The following SHANK2 variants were observed in gnomAD, a reference collection of about 807,000 sequenced individuals.
The protein encoded by SHANK2 is SH3 and multiple ankyrin repeat domains protein 2.
In SHANK2, 43 loss-of-function variants were observed where a neutral mutation model predicts 133.7. The observed-to-expected ratio is 0.32, with a 90% CI of 0.25 to 0.41. SHANK2 has a LOEUF of 0.41. Among genes scored for constraint, SHANK2 ranks in the 10% least tolerant of loss-of-function variants. SHANK2 has a pLI of 1.00. For missense variants in SHANK2, 1,994 were observed against 2,235.8 expected (o/e 0.89, Z 2.18); for synonymous variants, 1,017 against 952.8 (o/e 1.07, Z -1.24).
chr11:71,145,432 T>C (rs1411250225), intron 3 of SHANK2, among the ~76,000 whole-genome samples: 2 of 152,244 alleles, frequency 1.3e-5, no homozygotes, highest in East Asian at 1.9e-4. Flanking sequence ...AAGTTTGTCC[T>C]AGACGGTGAA....
chr11:70,826,675 G>A, intron 11 of SHANK2: 1 of 374,902 alleles, frequency 2.7e-6, no homozygotes, highest in South Asian at 1.9e-5. Flanking sequence ...CAGACCCAGC[G>A]TGCTGGTGAC....
At position 70,485,281 on chromosome 11, in the gene SHANK2, A is replaced by G; in HGVS notation, c.4979+33T>C. On this transcript the variant is annotated intron_variant, in intron 25 of 25. Coordinates refer to ENST00000601538, the MANE Select transcript of SHANK2 (RefSeq NM_012309.5). The surrounding 1 kb of genome is among the most constrained non-coding windows in gnomAD (Gnocchi z 5.8). Reference sequence around the variant, plus strand: ...TGGTCAGCAGGGACAGTGCACGCAGAGCGGTGTGCATGTGCACCAACCGCG... The same window carrying G: ...TGGTCAGCAGGGACAGTGCACGCAGGGCGGTGTGCATGTGCACCAACCGCG... 1 of 1,565,562 alleles carries G rather than the reference A, an allele frequency of 6.4e-7. No individual in the cohort carries two copies. The highest frequency in any genetic ancestry group is 1.7e-5 in the Admixed American group (1 of 59,970).
chr11:70,853,178 G>A (rs537507774), intron 11 of SHANK2, among the ~76,000 whole-genome samples: 29 of 152,342 alleles, frequency 1.9e-4, no homozygotes, highest in African/African-American at 6.7e-4. Context: ...GAAGTTGGGG[G>A]AAATGAAACA....
chr11:70,511,264 T>C (rs1358026329), intron 17 of SHANK2, among the ~76,000 whole-genome samples: 2 of 152,216 alleles, frequency 1.3e-5, no homozygotes, highest in Non-Finnish European at 2.9e-5. Context: ...TCAGTTACAT[T>C]TCCCTACCCA....
chr11:71,143,791 A>T (rs782008759), intron 3 of SHANK2, among the ~76,000 whole-genome samples: 28 of 152,304 alleles, frequency 1.8e-4, no homozygotes, highest in Non-Finnish European at 3.5e-4. Flanking sequence ...AAGATTCCGT[A>T]TTGACCTATG....
At chr11:71,113,119 C>T (rs149161093) in intron 5 of SHANK2, among the ~76,000 whole-genome samples, 174 bp downstream of exon 5, 22 of 152,328 alleles carry the variant, frequency 1.4e-4, no homozygotes, top group African/African-American at 5.3e-4. Flanking sequence ...CCGGGTGGGT[C>T]TCCGCAGTGT....
chr11:70,546,795 G>A (rs1272367115), intron 17 of SHANK2, among the ~76,000 whole-genome samples: 3 of 152,344 alleles, frequency 2.0e-5, no homozygotes, highest in African/African-American at 7.2e-5. Flanking sequence ...TGTCTCCAGC[G>A]TGTCAGGCCC....
intron 17 of SHANK2, among the ~76,000 whole-genome samples, chr11:70,583,723 A>G (rs1591610556): frequency 6.6e-6 from 1 of 152,094 alleles, no homozygotes; most frequent in African/African-American, 2.4e-5. Context: ...CTCCTAATGA[A>G]CCATCGAGGC....
intron 14 of SHANK2, among the ~76,000 whole-genome samples, chr11:70,718,700 C>CTCTTTTTTT (rs782533400): frequency 1.5e-5 from 2 of 129,812 alleles, no homozygotes; most frequent in Non-Finnish European, 3.1e-5. Flanking sequence ...AGCTCATTCT[C>CTCTTTTTTT]TTTTTTTTTT....
At chr11:71,078,281 G>A (rs1173693174) in intron 8 of SHANK2, among the ~76,000 whole-genome samples, 1 of 151,932 alleles carries the variant, frequency 6.6e-6, no homozygotes, top group Non-Finnish European at 1.5e-5. Context: ...ATTACCTCCT[G>A]AATAAAGAGA....
Position 71,083,244 on chromosome 11 carries a change from G to C in SHANK2, c.913-7969C>G, listed in dbSNP as rs937716899. On this transcript the variant is annotated intron_variant, in intron 8 of 25. Coordinates refer to ENST00000601538, the MANE Select transcript of SHANK2 (RefSeq NM_012309.5). ...TGTGAGCCCCTGTGCCCAGCCTAAT[G>C]TATTATTTACTTCTAATGATGACGT... Among the ~76,000 whole-genome samples the C allele has an allele frequency of 2.0e-4, 30 of 152,046 alleles. 1 individual carries two copies. The highest frequency in any genetic ancestry group is 2.0e-3 in the Admixed American group (30 of 15,256).
rs143180455 is a variant in SHANK2 at position 71,107,632 on chromosome 11, CT to C, written c.592+2308del. On this transcript the variant is annotated intron_variant, in intron 6 of 25. Coordinates refer to ENST00000601538, the MANE Select transcript of SHANK2 (RefSeq NM_012309.5). ...CACAACGGCTCACAACAACTATGAA[CT>C]TTTTGCTCTGGCACCAGCCTAATCC... is the stretch of plus-strand genomic sequence containing the variant. Among the ~76,000 whole-genome samples, 136 of 152,302 alleles carry C rather than the reference CT, an allele frequency of 8.9e-4. 1 individual carries two copies. The highest frequency in any genetic ancestry group is 3.2e-3 in the African/African-American group (133 of 41,562).
chr11:70,474,935 TGAG>T (rs1323850705), intron 25 of SHANK2: 11 of 152,278 alleles, frequency 7.2e-5, no homozygotes, highest in African/African-American at 2.7e-4. Context: ...CTGGAGAGCA[TGAG>T]GAGTGCACTG....
chr11:70,642,738 A>C (rs2061201182), intron 17 of SHANK2, among the ~76,000 whole-genome samples: 1 of 152,200 alleles, frequency 6.6e-6, no homozygotes. Flanking sequence ...CCTGCTGAAG[A>C]GGTGAAGATG....
intron 17 of SHANK2, among the ~76,000 whole-genome samples, chr11:70,567,136 T>C (rs1446572850): frequency 6.6e-6 from 1 of 152,170 alleles, no homozygotes; most frequent in Non-Finnish European, 1.5e-5. Flanking sequence ...CTATGATTGA[T>C]GGAGAGGTGT....
intron 14 of SHANK2, among the ~76,000 whole-genome samples, chr11:70,733,049 G>A (rs1268510356): frequency 2.6e-5 from 4 of 152,254 alleles, no homozygotes; most frequent in Non-Finnish European, 4.4e-5. Flanking sequence ...CAGGCTGGGC[G>A]GGGTGGGAGA....
At chr11:70,720,176 C>T (rs1565267939) in intron 14 of SHANK2, among the ~76,000 whole-genome samples, 1 of 152,200 alleles carries the variant, frequency 6.6e-6, no homozygotes, top group Non-Finnish European at 1.5e-5. Flanking sequence ...GGGCCTGGTA[C>T]CTGGGAGATG....
chr11:71,059,722 C>T (rs886617441), intron 9 of SHANK2, among the ~76,000 whole-genome samples: 4 of 152,144 alleles, frequency 2.6e-5, no homozygotes, highest in Non-Finnish European at 4.4e-5. Flanking sequence ...GTGTGGGCTG[C>T]GCTCACTTGG....
chr11:70,845,337 T>G (rs1363063602), intron 11 of SHANK2, among the ~76,000 whole-genome samples: 1 of 151,262 alleles, frequency 6.6e-6, no homozygotes, highest in Admixed American at 6.6e-5. Flanking sequence ...CTGGAGTGGA[T>G]TAGGGGAGAC....
Sources: gnomAD v4.1 joint callset for allele counts (sites outside exome capture counted in the v4.1 genomes callset) on GRCh38, gnomAD v4.1.1 for gene constraint, Gnocchi (gnomAD v3.1) non-coding constraint, MANE v1.5 for transcripts, NCBI Gene and HGNC (gene_info 2026-07-23, HGNC 2026-07-21) for gene names.